The following CCNT1 variants were observed in gnomAD, a reference collection of about 807,000 sequenced individuals.
The protein encoded by CCNT1 is cyclin T1.
CCNT1 carries 18 observed loss-of-function variants against 67.3 expected under a neutral mutation model. The observed-to-expected ratio is 0.27, with a 90% confidence interval of 0.18 to 0.40. The LOEUF (loss-of-function observed/expected upper bound fraction) is 0.40, where lower values mean the gene tolerates loss of function less well. Among genes scored for constraint, CCNT1 ranks in the 10% least tolerant of loss-of-function variants. CCNT1 has a pLI of 1.00. For missense variants in CCNT1, 744 were observed against 884.9 expected, an observed-to-expected ratio of 0.84 and a Z score of 2.02; for synonymous variants, 333 against 310.3, an observed-to-expected ratio of 1.07 and a Z score of -0.77.
chr12:48,698,063 C>T, intron 6 of CCNT1, 75 bp downstream of exon 6: 2 of 878,804 alleles, frequency 2.3e-6, no homozygotes. Context: ...AGAGAATTAT[C>T]TATAGCACAC....
In CCNT1 at chr12:48,693,007, T is replaced by C; in HGVS notation, c.*26A>G. On this transcript the variant is annotated 3_prime_UTR_variant, in exon 9 of 9. Transcript: ENST00000261900. Reference sequence around the variant, plus strand: ...AAATTATGTGTTTTTTTAAAGAAGTTTTTTTCTCCTCTTCTTTTTCTTTTT... The same window carrying C: ...AAATTATGTGTTTTTTTAAAGAAGTCTTTTTCTCCTCTTCTTTTTCTTTTT... 1 of 1,449,974 alleles carries C rather than the reference T, an allele frequency of 6.9e-7. No individual in the cohort carries two copies. 89.8% of individuals were successfully genotyped at this position (1,449,974 alleles called of 1,614,324 possible). A position where few individuals can be genotyped will look rare whatever the true frequency, so the allele number is the denominator to read the frequency against.
In CCNT1 at chr12:48,716,676, A is replaced by C. The variant is rs764010912; in HGVS notation, c.-1T>G. The C allele has an allele frequency of 6.2e-6, 10 of 1,613,264 alleles. No homozygotes were observed. The South Asian group carries it at 1.1e-4, about 18-fold the overall frequency. ...TGTTGTTCTTCCTCTCTCCCTCCAT[A>C]GTGCTTCAACCAGAAGGCAGCGGCG... On this transcript the variant is annotated 5_prime_UTR_variant, in exon 1 of 9. Coordinates refer to ENST00000261900, the MANE Select transcript of CCNT1 (RefSeq NM_001240.4).
In CCNT1 at chr12:48,705,308, CTT is replaced by C. The variant is rs201541345; in HGVS notation, c.372+458_372+459del. Among the ~76,000 whole-genome samples, 891 of 140,040 alleles carry C rather than the reference CTT, an allele frequency of 6.4e-3. 8 individuals are homozygous for C. Among genetic ancestry groups the C allele is most frequent in the African/African-American group, 0.021 (813 of 39,016 alleles). The allele number at this position is 140,040 out of a possible 152,430, so 91.9% of individuals were successfully genotyped here. A position where few individuals can be genotyped will look rare whatever the true frequency, so the allele number is the denominator to read the frequency against. On this transcript the variant is annotated intron_variant, in intron 3 of 8. Transcript: ENST00000261900. ...TGTTGTTGTTGTTGTTGTTGTTTTT[CTT>C]TTTTTGTAGAAATGGGGTCTCACTT...
chr12:48,705,430 C>CTT (rs575520492), intron 3 of CCNT1, among the ~76,000 whole-genome samples: 3,525 of 148,058 alleles, frequency 0.024, 50 homozygotes, highest in African/African-American at 0.029. Context: ...CCACATCTGG[C>CTT]TTTTTTTTTT....
At chr12:48,712,418 G>A (rs143220450) in intron 2 of CCNT1, among the ~76,000 whole-genome samples, 2 of 150,552 alleles carry the variant, frequency 1.3e-5, no homozygotes, top group Admixed American at 1.3e-4. Flanking sequence ...TGGGATTACA[G>A]GCATGAAACT....
At chr12:48,702,925 A>C (rs1031846703) in intron 3 of CCNT1, among the ~76,000 whole-genome samples, 1 of 152,050 alleles carries the variant, frequency 6.6e-6, no homozygotes. Context: ...GTTCAAGACC[A>C]GCCTGGGTAA....
intron 3 of CCNT1, among the ~76,000 whole-genome samples, chr12:48,701,895 C>T (rs146013901): frequency 9.2e-5 from 14 of 151,596 alleles, no homozygotes; most frequent in East Asian, 2.0e-4. Flanking sequence ...CGTGAGCCAC[C>T]GCACCCGGCC....
At chr12:48,696,235 T>A in intron 6 of CCNT1, 73 bp from the exon 7 acceptor site, 1 of 246,298 alleles carries the variant, frequency 4.1e-6, no homozygotes, top group Non-Finnish European at 6.0e-6. Flanking sequence ...AACTCTCCAT[T>A]ATTTAAAAAA....
At chr12:48,710,184 GC>G (rs60504051) in intron 2 of CCNT1, among the ~76,000 whole-genome samples, 42,227 of 151,782 alleles carry the variant, frequency 0.28, 7,089 homozygotes, top group East Asian at 0.76. Flanking sequence ...GAGTCAACAC[GC>G]CCAGCCTCTA....
intron 3 of CCNT1, among the ~76,000 whole-genome samples, chr12:48,702,654 G>A (rs1940290155): frequency 6.6e-6 from 1 of 152,110 alleles, no homozygotes; most frequent in African/African-American, 2.4e-5. Context: ...GTGTGATGGT[G>A]GGCGTGAACC....
At position 48,695,940 on chromosome 12, in the gene CCNT1, C is replaced by A. The variant is rs1940161928; in HGVS notation, c.706+59G>T. ...TTCATCTGAATCAAGTCACCTTTGG[C>A]CAGCTATGTGACAGATCAACAGCAA... is the stretch of plus-strand genomic sequence containing the variant. On this transcript the variant is annotated intron_variant, in intron 7 of 8. Transcript: ENST00000261900. 1.4e-5 allele frequency: 22 copies of A among 1,587,532 alleles called. 1 individual carries two copies. In the South Asian group the frequency reaches 2.3e-4, roughly 17 times the overall value.
At chr12:48,710,112 G>A (rs966536471) in intron 2 of CCNT1, among the ~76,000 whole-genome samples, 6 of 151,896 alleles carry the variant, frequency 4.0e-5, no homozygotes, top group Non-Finnish European at 7.4e-5. Flanking sequence ...GGATGTTTTC[G>A]AACTCCTGAC....
chr12:48,710,215 AAC>A (rs372582392), intron 2 of CCNT1, among the ~76,000 whole-genome samples: 2 of 151,942 alleles, frequency 1.3e-5, no homozygotes, highest in Non-Finnish European at 2.9e-5. Flanking sequence ...TAATAAGAAA[AAC>A]ACACACACAC....
chr12:48,711,175 T>C (rs1175027328), intron 2 of CCNT1, among the ~76,000 whole-genome samples: 3 of 151,738 alleles, frequency 2.0e-5, no homozygotes, highest in Admixed American at 6.6e-5. Context: ...AGGTCAACAG[T>C]TGAAGCCAAG....
chr12:48,716,434 C>G (rs1280483318), intron 1 of CCNT1, 81 bp downstream of exon 1: 1 of 1,288,844 alleles, frequency 7.8e-7, no homozygotes, highest in Non-Finnish European at 1.1e-6. Context: ...CCACTTTCGT[C>G]CCCCCCACAG....
In CCNT1 at chr12:48,716,700, C is replaced by T. The variant is rs572501442; in HGVS notation, c.-25G>A. 8.1e-6 allele frequency: 13 copies of T among 1,607,508 alleles called. No homozygotes were observed. The African/African-American group carries it at 1.5e-4, about 18-fold the overall frequency. ...TAGTGCTTCAACCAGAAGGCAGCGGCGAAGGCTGCAGGCACTTCCCAGCGT... is the reference window on the plus strand; with the variant it reads ...TAGTGCTTCAACCAGAAGGCAGCGGTGAAGGCTGCAGGCACTTCCCAGCGT... On this transcript the variant is annotated 5_prime_UTR_variant, in exon 1 of 9. Transcript: ENST00000261900.
intron 3 of CCNT1, among the ~76,000 whole-genome samples, chr12:48,703,389 C>A (rs554410855): frequency 6.6e-6 from 1 of 151,910 alleles, no homozygotes; most frequent in African/African-American, 2.4e-5. Flanking sequence ...GCCTGACCAA[C>A]ATGGAGAAAC....
chr12:48,699,224 C>T (rs1427246672), intron 5 of CCNT1, among the ~76,000 whole-genome samples: 1 of 152,022 alleles, frequency 6.6e-6, no homozygotes, highest in Non-Finnish European at 1.5e-5. Flanking sequence ...GGAATTTTCA[C>T]AGGAAACACA....
chr12:48,712,933 T>C (rs1368851739), intron 2 of CCNT1, among the ~76,000 whole-genome samples: 1 of 150,238 alleles, frequency 6.7e-6, no homozygotes, highest in Non-Finnish European at 1.5e-5. Context: ...AGAGCGAAAC[T>C]CCATCTCAAA....
Sources: gnomAD v4.1 joint callset for allele counts (sites outside exome capture counted in the v4.1 genomes callset) on GRCh38, gnomAD v4.1.1 for gene constraint, MANE v1.5 for transcripts, NCBI Gene and HGNC (gene_info 2026-07-23, HGNC 2026-07-21) for gene names.